The following NCEH1 variants were observed in gnomAD, a reference collection of about 807,000 sequenced individuals.
The protein encoded by NCEH1 is neutral cholesterol ester hydrolase 1, also known as 2-acetyl MAGE hydrolase.
Under a neutral mutation model 25.4 loss-of-function variants are expected in NCEH1, and 9 were observed. That is an observed-to-expected ratio of 0.35 (90% CI 0.21 to 0.62). The LOEUF is 0.62. NCEH1 is among the 20% of genes least tolerant of loss of function. NCEH1 has a pLI of 0.72. For synonymous variants in NCEH1, 200 were observed against 199.8 expected, an observed-to-expected ratio of 1.00 and a Z score of -0.01; for missense variants, 412 against 501.1, an observed-to-expected ratio of 0.82 and a Z score of 1.70.
chr3:172,697,972 T>TA (rs1713466326), intron 1 of NCEH1, among the ~76,000 whole-genome samples: 1 of 66,166 alleles, frequency 1.5e-5, no homozygotes, highest in South Asian at 5.1e-4. Flanking sequence ...AAAGCAGAAT[T>TA]TTTTTTTTTT....
intron 1 of NCEH1, 128 bp from the exon 2 acceptor site, chr3:172,648,242 C>T: frequency 9.5e-7 from 1 of 1,047,986 alleles, no homozygotes; most frequent in East Asian, 2.6e-5. Context: ...CTCATTGAGC[C>T]CTTTTAATAC....
At position 172,636,068 on chromosome 3, in the gene NCEH1, C is replaced by A; in HGVS notation, c.457G>T (p.Val153Phe). The change falls in exon 4 of 5, where the codon GTT (valine) becomes TTT (phenylalanine). Residue 153 changes from valine (V) to phenylalanine (F), a missense_variant. This residue lies in a region of NCEH1 where 178 missense variants were observed against 189.2 expected (regional missense o/e 0.94). Coordinates refer to ENST00000475381, the MANE Select transcript of NCEH1 (RefSeq NM_020792.6). ...VSIEYRLVPK[V>F]YFPEQIHDVV... ...TCATGAATTTGCTCAGGAAAATAAA[C>A]CTTTGGAACTAGCCTGTATCTGTAA... 6.2e-7 allele frequency: 1 copy of A among 1,613,818 alleles called. No homozygotes were observed. The highest frequency in any genetic ancestry group is 1.6e-4 in the Middle Eastern group (1 of 6,062).
intron 1 of NCEH1, among the ~76,000 whole-genome samples, chr3:172,658,810 G>C (rs1717824029): frequency 7.0e-6 from 1 of 142,858 alleles, no homozygotes; most frequent in Admixed American, 7.0e-5. Flanking sequence ...AGGGCAAAAA[G>C]GATAAGGTTG....
At chr3:172,667,743 C>A (rs941345138) in intron 1 of NCEH1, among the ~76,000 whole-genome samples, 1 of 152,220 alleles carries the variant, frequency 6.6e-6, no homozygotes, top group Admixed American at 6.5e-5. Flanking sequence ...TTGCACCCCT[C>A]TGGAGTGCAC....
At position 172,633,874 on chromosome 3, in the gene NCEH1, C is replaced by T. The variant is rs1306189469; in HGVS notation, c.828G>A (p.Val276=). 1.7e-5 allele frequency: 28 copies of T among 1,614,214 alleles called. No individual in the cohort carries two copies. Among genetic ancestry groups the T allele is most frequent in the Non-Finnish European group, 2.4e-5 (28 of 1,180,038 alleles). The change falls in exon 5 of 5, where the codon GTG becomes GTA. Residue 276 remains valine (V), a synonymous_variant. Transcript: ENST00000475381. ...MIVNNHTSLD[V]EEAAAVRARL... ...GGGCCCTGACAGCAGCAGCCTCTTC[C>T]ACATCAAGTGAAGTGTGATTGTTAA...
intron 1 of NCEH1, among the ~76,000 whole-genome samples, chr3:172,682,989 A>G (rs1432398848): frequency 6.6e-6 from 1 of 152,270 alleles, no homozygotes; most frequent in Non-Finnish European, 1.5e-5. Flanking sequence ...GCTAAGAAGT[A>G]GAAAGGATTT....
chr3:172,633,359 T>C lies in NCEH1; in HGVS notation c.*116A>G, dbSNP rs866616138. The C allele has an allele frequency of 2.7e-5, 27 of 997,290 alleles. No homozygotes were observed. In the Middle Eastern group the frequency reaches 8.2e-4, roughly 30 times the overall value. The allele number at this position is 997,290 out of a possible 1,614,324, so 61.8% of individuals were successfully genotyped here. ...CTTCAGTTATGGAATAGAAATTCCA[T>C]AACTCGCAAGTAGAGGGGAATGGGA... On this transcript the variant is annotated 3_prime_UTR_variant, in exon 5 of 5. Coordinates refer to ENST00000475381, the MANE Select transcript of NCEH1 (RefSeq NM_020792.6).
chr3:172,687,033 G>A (rs984646570), intron 1 of NCEH1, among the ~76,000 whole-genome samples: 3 of 152,194 alleles, frequency 2.0e-5, no homozygotes, highest in African/African-American at 4.8e-5. Flanking sequence ...CTGAACAACT[G>A]TACAGTTAAC....
At chr3:172,664,297 G>T (rs4547729) in intron 1 of NCEH1, among the ~76,000 whole-genome samples, 51,264 of 151,946 alleles carry the variant, frequency 0.34, 8,839 homozygotes, top group South Asian at 0.38. Flanking sequence ...CCCCACTCTC[G>T]TCTGGCTTGT....
chr3:172,678,677 TCAAA>T (rs1456131010), intron 1 of NCEH1, among the ~76,000 whole-genome samples: 1 of 151,020 alleles, frequency 6.6e-6, no homozygotes, highest in African/African-American at 2.5e-5. Context: ...ACCTACTCAT[TCAAA>T]CATTTAAAAA....
At chr3:172,662,832 T>C (rs1237715266) in intron 1 of NCEH1, among the ~76,000 whole-genome samples, 1 of 145,776 alleles carries the variant, frequency 6.9e-6, no homozygotes, top group East Asian at 2.0e-4. Flanking sequence ...CATTTTTTAT[T>C]GCATCTATTT....
intron 1 of NCEH1, among the ~76,000 whole-genome samples, chr3:172,710,250 C>A (rs1714221339): frequency 1.3e-5 from 2 of 152,238 alleles, no homozygotes; most frequent in Non-Finnish European, 2.9e-5. Flanking sequence ...TCCCAGTCCT[C>A]TTTCTTGGGC....
At chr3:172,657,538 T>G (rs1392060858) in intron 1 of NCEH1, among the ~76,000 whole-genome samples, 1 of 152,214 alleles carries the variant, frequency 6.6e-6, no homozygotes, top group Non-Finnish European at 1.5e-5. Context: ...CCGCTCTCGT[T>G]GCTGCCTTGG....
At chr3:172,647,857 C>T (rs773676827) in intron 2 of NCEH1, 29 bp downstream of exon 2, 8 of 1,613,050 alleles carry the variant, frequency 5.0e-6, no homozygotes, top group Non-Finnish European at 6.8e-6. Context: ...ACCACAACAA[C>T]AAACCATCTG....
At chr3:172,682,608 C>T (rs1712444785) in intron 1 of NCEH1, among the ~76,000 whole-genome samples, 1 of 152,144 alleles carries the variant, frequency 6.6e-6, no homozygotes, top group Non-Finnish European at 1.5e-5. Context: ...CACAGGCCTC[C>T]CCACTGCAGA....
In NCEH1 at chr3:172,704,294, G is replaced by C. The variant is rs560244739; in HGVS notation, c.138+6553C>G. Among the ~76,000 whole-genome samples the C allele has an allele frequency of 1.1e-4, 16 of 152,262 alleles. No individual in the cohort carries two copies. In the South Asian group the frequency reaches 2.1e-3, roughly 20 times the overall value. On this transcript the variant is annotated intron_variant, in intron 1 of 4. Coordinates refer to ENST00000475381, the MANE Select transcript of NCEH1 (RefSeq NM_020792.6). ...AGCACTGTCACCCATAAGAAACAGG[G>C]GGAACACTCAGCATAAATACCAATT...
rs1439265844 is a variant in NCEH1, at chr3:172,658,064, C to T, written c.139-9950G>A. Reference sequence around the variant, plus strand: ...TAAGTCACAGGATGAGACAGGAGGTCAGCACAAAACACAGGTCATAGAGAC... The same window carrying T: ...TAAGTCACAGGATGAGACAGGAGGTTAGCACAAAACACAGGTCATAGAGAC... On this transcript the variant is annotated intron_variant, in intron 1 of 4. Transcript: ENST00000475381. 2.0e-5 allele frequency among the ~76,000 whole-genome samples: 3 copies of T among 152,240 alleles called. No individual in the cohort carries two copies. In the East Asian group the frequency reaches 5.8e-4, roughly 29 times the overall value.
In NCEH1 at chr3:172,700,221, A is replaced by C. The variant is rs184034620; in HGVS notation, c.138+10626T>G. Reference sequence around the variant, plus strand: ...TTGAGAACCATTTGTGTAACTCTTTATAAATCTTGTGAATTCTGTTATTCA... The same window carrying C: ...TTGAGAACCATTTGTGTAACTCTTTCTAAATCTTGTGAATTCTGTTATTCA... On this transcript the variant is annotated intron_variant, in intron 1 of 4. Coordinates refer to ENST00000475381, the MANE Select transcript of NCEH1 (RefSeq NM_020792.6). Among the ~76,000 whole-genome samples the C allele has an allele frequency of 7.2e-5, 11 of 152,348 alleles. No individual in the cohort carries two copies. In the East Asian group the frequency reaches 2.1e-3, roughly 29 times the overall value.
At chr3:172,707,543 G>T (rs1714071384) in intron 1 of NCEH1, among the ~76,000 whole-genome samples, 1 of 152,088 alleles carries the variant, frequency 6.6e-6, no homozygotes, top group African/African-American at 2.4e-5. Flanking sequence ...CTCAAGTTTT[G>T]CTGCAATGAA....
Sources: allele counts gnomAD v4.1 joint callset (sites outside exome capture counted in the v4.1 genomes callset), GRCh38; gene constraint gnomAD v4.1.1; regional missense constraint gnomAD v4.1.1; transcripts MANE v1.5; gene names NCBI Gene and HGNC (gene_info 2026-07-23, HGNC 2026-07-21).